The following FANCL variants were observed in gnomAD, a reference collection of about 807,000 sequenced individuals.
FANCL encodes the protein FA complementation group L, also known as E3 ubiquitin-protein ligase FANCL.
A neutral mutation model predicts 59.4 loss-of-function variants in FANCL; 69 were observed. That is an observed-to-expected ratio of 1.16 (90% CI 0.96 to 1.42). The LOEUF is 1.42. FANCL is among the 40% of genes most tolerant of loss of function. The probability of loss-of-function intolerance (pLI) is 0.00; values close to 1 mark genes in which losing one functional copy is unlikely to be tolerated. For synonymous variants in FANCL, 180 were observed against 147.1 expected, an observed-to-expected ratio of 1.22 and a Z score of -1.62; for missense variants, 519 against 447.2, an observed-to-expected ratio of 1.16 and a Z score of -1.45.
At chr2:58,217,151 A>G (rs1191413897) in intron 5 of FANCL, among the ~76,000 whole-genome samples, 1 of 88,656 alleles carries the variant, frequency 1.1e-5, no homozygotes, top group Non-Finnish European at 2.5e-5. Context: ...AGATTTATAT[A>G]TATATTTATA....
intron 5 of FANCL, among the ~76,000 whole-genome samples, chr2:58,216,746 C>T (rs1212064475): frequency 1.3e-5 from 2 of 151,980 alleles, no homozygotes; most frequent in African/African-American, 2.4e-5. Context: ...TTCCCATTCA[C>T]ACACAGGTAC....
chr2:58,215,701 T>C (rs1419268811), intron 5 of FANCL, among the ~76,000 whole-genome samples: 1 of 126,358 alleles, frequency 7.9e-6, no homozygotes, highest in African/African-American at 3.6e-5. Context: ...TGCTATTAAG[T>C]GGCAAAAAAA....
chr2:58,181,709 A>C (rs915164087), intron 7 of FANCL, among the ~76,000 whole-genome samples: 1 of 152,010 alleles, frequency 6.6e-6, no homozygotes, highest in African/African-American at 2.4e-5. Context: ...GATGGTGGAT[A>C]CATGGGTATT....
intron 5 of FANCL, among the ~76,000 whole-genome samples, chr2:58,210,551 T>C (rs1691038577): frequency 6.6e-6 from 1 of 151,978 alleles, no homozygotes; most frequent in Non-Finnish European, 1.5e-5. Flanking sequence ...AATCATGCCT[T>C]CCCAACAGGC....
At chr2:58,196,830 T>C (rs533640901) in intron 7 of FANCL, among the ~76,000 whole-genome samples, 1 of 152,012 alleles carries the variant, frequency 6.6e-6, no homozygotes, top group Non-Finnish European at 1.5e-5. Context: ...TATTAAAGTA[T>C]AATTTAGAAA....
At chr2:58,195,688 A>G (rs1373681190) in intron 7 of FANCL, among the ~76,000 whole-genome samples, 1 of 152,164 alleles carries the variant, frequency 6.6e-6, no homozygotes, top group Non-Finnish European at 1.5e-5. Flanking sequence ...ATATAGATAA[A>G]ATGTTTATAA....
At chr2:58,235,780 G>A (rs926457415) in intron 1 of FANCL, among the ~76,000 whole-genome samples, 1 of 151,968 alleles carries the variant, frequency 6.6e-6, no homozygotes, top group Non-Finnish European at 1.5e-5. Flanking sequence ...AGGAAAACAT[G>A]AGCGTACTAA....
rs142489387 is a variant in FANCL, at chr2:58,222,566, AGG to A, written c.274-526_274-525del. 8.5e-5 allele frequency among the ~76,000 whole-genome samples: 13 copies of A among 152,180 alleles called. No homozygotes were observed. The East Asian group carries it at 2.1e-3, about 25-fold the overall frequency. ...TTATACTCTGTACTATTCTTCAAGC[AGG>A]TAAGTCGGAGTATTATGCCATCCAT... On this transcript the variant is annotated intron_variant, in intron 4 of 13. Transcript: ENST00000233741.
chr2:58,164,320 A>C (rs1685648271), intron 8 of FANCL, among the ~76,000 whole-genome samples: 1 of 152,046 alleles, frequency 6.6e-6, no homozygotes. Context: ...GCTGGCATCA[A>C]CATAAATGCA....
chr2:58,198,460 T>C (rs1227040391), intron 7 of FANCL, 134 bp downstream of exon 7: 4 of 677,400 alleles, frequency 5.9e-6, no homozygotes, highest in Non-Finnish European at 1.0e-5. Flanking sequence ...CCCATTTATA[T>C]AAGAGATTTG....
intron 8 of FANCL, among the ~76,000 whole-genome samples, chr2:58,164,734 T>G (rs1685709466): frequency 6.6e-6 from 1 of 152,070 alleles, no homozygotes; most frequent in African/African-American, 2.4e-5. Context: ...TACATTTCTT[T>G]GAAGAAAATA....
chr2:58,214,966 C>G, intron 5 of FANCL, among the ~76,000 whole-genome samples: 1 of 152,200 alleles, frequency 6.6e-6, no homozygotes. Flanking sequence ...GCACTTCTCT[C>G]AACCATGTCA....
intron 8 of FANCL, among the ~76,000 whole-genome samples, chr2:58,164,497 A>C (rs1685676345): frequency 6.6e-6 from 1 of 152,032 alleles, no homozygotes; most frequent in Admixed American, 6.6e-5. Context: ...TAATGGCTCC[A>C]GACAGTACTT....
At position 58,162,865 on chromosome 2, in the gene FANCL, C is replaced by A. The variant is rs1173663404; in HGVS notation, c.903+1G>T. ...AATATCAAAACACTGATAAAACTTA[C>A]AGATTTTTCCAGGATAGCACGAGCT... On this transcript the variant is annotated splice_donor_variant, in intron 11 of 13. Coordinates refer to ENST00000233741, the MANE Select transcript of FANCL (RefSeq NM_018062.4). LOFTEE classifies it high-confidence loss of function. 3 of 1,609,768 alleles carry A rather than the reference C, an allele frequency of 1.9e-6. No homozygotes were observed. The highest frequency in any genetic ancestry group is 2.5e-6 in the Non-Finnish European group (3 of 1,176,922).
intron 3 of FANCL, 116 bp from the exon 4 acceptor site, chr2:58,226,900 C>T: frequency 1.2e-6 from 1 of 814,070 alleles, no homozygotes; most frequent in Non-Finnish European, 2.0e-6. Flanking sequence ...ATATCTACAT[C>T]TGAAAACTAT....
chr2:58,167,755 A>C (rs1485378702), intron 7 of FANCL, among the ~76,000 whole-genome samples: 2 of 152,230 alleles, frequency 1.3e-5, no homozygotes, highest in African/African-American at 4.8e-5. Flanking sequence ...TTTGAGGTAG[A>C]TACATTAAAC....
chr2:58,187,866 T>C (rs1028058675), intron 7 of FANCL, among the ~76,000 whole-genome samples: 1 of 152,130 alleles, frequency 6.6e-6, no homozygotes, highest in African/African-American at 2.4e-5. Flanking sequence ...TTTGCAAACA[T>C]TTTCCAGTCT....
At chr2:58,232,587 G>C (rs1693684202) in intron 1 of FANCL, among the ~76,000 whole-genome samples, 1 of 151,122 alleles carries the variant, frequency 6.6e-6, no homozygotes. Flanking sequence ...AATATATTTA[G>C]TTACACAATC....
At chr2:58,221,370 T>C (rs902330509) in intron 5 of FANCL, among the ~76,000 whole-genome samples, 1 of 152,210 alleles carries the variant, frequency 6.6e-6, no homozygotes, top group Non-Finnish European at 1.5e-5. Context: ...CCAGGTGGTA[T>C]GTGGATTAAG....
Sources: gnomAD v4.1 joint callset for allele counts (sites outside exome capture counted in the v4.1 genomes callset) on GRCh38, gnomAD v4.1.1 for gene constraint, MANE v1.5 for transcripts, NCBI Gene and HGNC (gene_info 2026-07-23, HGNC 2026-07-21) for gene names.